The following DPP10 variants were observed in gnomAD, a reference collection of about 807,000 sequenced individuals.
DPP10 encodes the protein dipeptidyl peptidase like 10, also known as inactive dipeptidyl peptidase 10.
Under a neutral mutation model 120.9 loss-of-function variants are expected in DPP10, and 33 were observed. The observed-to-expected ratio is 0.27, with a 90% CI of 0.21 to 0.37. DPP10 has a LOEUF of 0.37. Among genes scored for constraint, DPP10 ranks in the 10% least tolerant of loss-of-function variants. The pLI is 1.00. For missense variants in DPP10, 816 were observed against 942.8 expected, an observed-to-expected ratio of 0.87 and a Z score of 1.76; for synonymous variants, 337 against 326.1, an observed-to-expected ratio of 1.03 and a Z score of -0.36.
At chr2:115,332,058 C>T (rs548317304) in intron 2 of DPP10, among the ~76,000 whole-genome samples, 1 of 151,966 alleles carries the variant, frequency 6.6e-6, no homozygotes, top group Admixed American at 6.6e-5. Flanking sequence ...TGGTCCTGGA[C>T]TTTTTTTGGT....
At chr2:115,440,159 G>C (rs982415620) in intron 3 of DPP10, among the ~76,000 whole-genome samples, 3 of 151,278 alleles carry the variant, frequency 2.0e-5, no homozygotes, top group Non-Finnish European at 1.5e-5. Flanking sequence ...GTGTGTGCGT[G>C]TGTGTGTGTG....
At chr2:114,661,983 G>A (rs1005557206) in intron 1 of DPP10, among the ~76,000 whole-genome samples, 1 of 150,988 alleles carries the variant, frequency 6.6e-6, no homozygotes, top group Non-Finnish European at 1.5e-5. Flanking sequence ...TCCAGCCTGA[G>A]CAACAAGAGG....
chr2:114,764,326 CTTTCTTGCTGAGTTA>C (rs1680532067), intron 1 of DPP10, among the ~76,000 whole-genome samples: 1 of 123,666 alleles, frequency 8.1e-6, no homozygotes, highest in East Asian at 2.3e-4. Context: ...CATTCAGGCT[CTTTCTTGCTGAGTTA>C]TTTTGAAAAA....
rs572324538 is a variant in DPP10 at position 115,010,238 on chromosome 2, G to A, written c.61-299001G>A. Among the ~76,000 whole-genome samples, 16 of 152,216 alleles carry A rather than the reference G, an allele frequency of 1.1e-4. 1 individual carries two copies. The highest frequency in any genetic ancestry group is 4.1e-4 in the South Asian group (2 of 4,822). On this transcript the variant is annotated intron_variant, in intron 1 of 25. Transcript: ENST00000410059. ...ATTAAGTTTTTAATTTATTCCTGCTGGTGGATAATAACAGGAAGTCAGGGA... is the reference window on the plus strand; with the variant it reads ...ATTAAGTTTTTAATTTATTCCTGCTAGTGGATAATAACAGGAAGTCAGGGA...
chr2:114,638,984 G>A (rs1332417242), intron 1 of DPP10, among the ~76,000 whole-genome samples: 1 of 151,822 alleles, frequency 6.6e-6, no homozygotes, highest in Non-Finnish European at 1.5e-5. Context: ...GCTCTTTGAA[G>A]CAACATGGAT....
intron 1 of DPP10, among the ~76,000 whole-genome samples, chr2:114,689,141 AT>A (rs1332914545): frequency 6.6e-6 from 1 of 151,776 alleles, no homozygotes; most frequent in East Asian, 1.9e-4. Flanking sequence ...ATAGGTAAAC[AT>A]GTGCCATGGT....
At chr2:115,766,284 A>ATG (rs1367029368) in intron 12 of DPP10, among the ~76,000 whole-genome samples, 4 of 50,214 alleles carry the variant, frequency 8.0e-5, no homozygotes, top group East Asian at 8.5e-4. Context: ...CTCATTATAT[A>ATG]TATGTGTGTG....
intron 1 of DPP10, among the ~76,000 whole-genome samples, chr2:115,186,999 CAGAAGGTGGTGCAA>C (rs1427594948): frequency 7.6e-6 from 1 of 132,168 alleles, no homozygotes; most frequent in Non-Finnish European, 1.6e-5. Flanking sequence ...CTACTGAATT[CAGAAGGTGGTGCAA>C]AGATTCTTTT....
intron 3 of DPP10, among the ~76,000 whole-genome samples, chr2:115,357,161 C>T (rs1175788720): frequency 2.0e-5 from 3 of 152,110 alleles, no homozygotes; most frequent in Non-Finnish European, 4.4e-5. Flanking sequence ...AGGATTATGT[C>T]CTAATGGATA....
chr2:114,898,404 T>C (rs1465051892), intron 1 of DPP10, among the ~76,000 whole-genome samples: 13 of 151,924 alleles, frequency 8.6e-5, no homozygotes, highest in Non-Finnish European at 1.5e-4. Flanking sequence ...TGCTAAATGA[T>C]GAGTTAATGG....
At chr2:115,501,070 A>G (rs1185065027) in intron 4 of DPP10, among the ~76,000 whole-genome samples, 1 of 152,026 alleles carries the variant, frequency 6.6e-6, no homozygotes, top group Admixed American at 6.6e-5. Context: ...GGGGAACAAA[A>G]ATTGAGTGCA....
chr2:114,858,448 T>C (rs1689541710), intron 1 of DPP10, among the ~76,000 whole-genome samples: 1 of 152,272 alleles, frequency 6.6e-6, no homozygotes. Context: ...TATGTTTTCA[T>C]GAGTCAATTC....
chr2:115,269,946 C>T (rs1559342542), intron 1 of DPP10, among the ~76,000 whole-genome samples: 2 of 151,958 alleles, frequency 1.3e-5, no homozygotes, highest in Non-Finnish European at 2.9e-5. Flanking sequence ...TTAGCCCTGC[C>T]CTGATGGAGT....
At chr2:114,827,434 A>G (rs1030608712) in intron 1 of DPP10, among the ~76,000 whole-genome samples, 4 of 152,184 alleles carry the variant, frequency 2.6e-5, no homozygotes, top group African/African-American at 7.2e-5. Context: ...TGACTTGTTG[A>G]CCATGACTCA....
chr2:114,646,977 G>T (rs1400742686), intron 1 of DPP10, among the ~76,000 whole-genome samples: 4 of 152,198 alleles, frequency 2.6e-5, no homozygotes, highest in Non-Finnish European at 5.9e-5. Flanking sequence ...CTTGACTAAA[G>T]TCCCATGGAC....
chr2:114,704,742 GGGGTTAT>G (rs1195118462), intron 1 of DPP10, among the ~76,000 whole-genome samples: 14 of 152,244 alleles, frequency 9.2e-5, no homozygotes, highest in African/African-American at 3.4e-4. Context: ...GACAAAATGG[GGGGTTAT>G]GGACTGAATT....
chr2:114,943,122 T>C (rs1697086264), intron 1 of DPP10, among the ~76,000 whole-genome samples: 1 of 152,158 alleles, frequency 6.6e-6, no homozygotes, highest in Non-Finnish European at 1.5e-5. Context: ...ATTGTTCAGC[T>C]CTCACTTACA....
chr2:114,637,028 T>G (rs1163037520), intron 1 of DPP10, among the ~76,000 whole-genome samples: 2 of 151,952 alleles, frequency 1.3e-5, no homozygotes, highest in Admixed American at 6.6e-5. Flanking sequence ...CAAATTGTAC[T>G]TTTCTTAATT....
chr2:115,025,307 T>C (rs1318295419), intron 1 of DPP10, among the ~76,000 whole-genome samples: 1 of 152,166 alleles, frequency 6.6e-6, no homozygotes, highest in East Asian at 1.9e-4. Context: ...CCCAGTTTCA[T>C]CCATGTTACT....
Sources: allele counts gnomAD v4.1 joint callset (sites outside exome capture counted in the v4.1 genomes callset), GRCh38; gene constraint gnomAD v4.1.1; transcripts MANE v1.5; gene names NCBI Gene and HGNC (gene_info 2026-07-23, HGNC 2026-07-21).